DUOX1: variants seen among roughly 807,000 people sequenced by gnomAD.
DUOX1 encodes NADPH thyroid oxidase 1.
In DUOX1, 134 loss-of-function variants were observed where a neutral mutation model predicts 181.8. That is an observed-to-expected ratio of 0.74 (90% CI 0.64 to 0.85). The LOEUF (loss-of-function observed/expected upper bound fraction) is 0.85, where lower values mean the gene tolerates loss of function less well. DUOX1 is among the 40% of genes least tolerant of loss of function. The probability of loss-of-function intolerance (pLI) is 0.00; values close to 1 mark genes in which losing one functional copy is unlikely to be tolerated. For synonymous variants in DUOX1, 798 were observed against 832.5 expected (o/e 0.96, Z 0.71); for missense variants, 1,814 against 2,064.4 (o/e 0.88, Z 2.35).
At position 45,135,614 on chromosome 15, in the gene DUOX1, C is replaced by G; in HGVS notation, c.636C>G (p.Pro212=). The change falls in exon 6 of 34, where the codon CCC becomes CCG. Residue 212 remains proline (P), a synonymous_variant. Coordinates refer to ENST00000389037, the MANE Select transcript of DUOX1 (RefSeq NM_175940.3). ...CTTTTCCCCGAGACTCGCAGAACCC[C>G]CTGCTCATGTGGGCGGCGCCCGACC... The part of the protein sequence containing the change: ...DPAFPRDSQN[P]LLMWAAPDPA... 6.4e-7 allele frequency: 1 copy of G among 1,560,438 alleles called. No homozygotes were observed. The highest frequency in any genetic ancestry group is 8.7e-7 in the Non-Finnish European group (1 of 1,153,540).
In DUOX1 at chr15:45,147,939, A is replaced by AT. The variant is rs1201039514; in HGVS notation, c.2585dup (p.Met862IlefsTer5). 9.9e-6 allele frequency: 16 copies of AT among 1,614,062 alleles called. No homozygotes were observed. Among genetic ancestry groups the AT allele is most frequent in the Non-Finnish European group, 1.2e-5 (14 of 1,180,028 alleles). On this transcript the variant is annotated frameshift_variant, in exon 20 of 34. Coordinates refer to ENST00000389037, the MANE Select transcript of DUOX1 (RefSeq NM_175940.3). LOFTEE classifies it high-confidence loss of function. ...GGAAAAGTCTCGCCTTATGTTCCGC[A>AT]TGTACGACTTTGATGGGAATGGCCT...
At chr15:45,153,292 T>C in intron 25 of DUOX1, 88 bp from the exon 26 acceptor site, 1 of 860,400 alleles carries the variant, frequency 1.2e-6, no homozygotes. Context: ...GGACCCCCAC[T>C]CTGGCCAGGG....
intron 31 of DUOX1, among the ~76,000 whole-genome samples, 199 bp downstream of exon 31, chr15:45,162,576 G>A (rs1897137280): frequency 6.6e-6 from 1 of 152,212 alleles, no homozygotes; most frequent in African/African-American, 2.4e-5. Flanking sequence ...CTGGTTTGCG[G>A]ATGCCTCCAG....
intron 10 of DUOX1, chr15:45,138,700 A>ACTCTGGCTTGCCCTG (rs1896404088): frequency 1.0e-5 from 2 of 195,308 alleles, no homozygotes; most frequent in Non-Finnish European, 2.1e-5. Context: ...TTATTAAGGG[A>ACTCTGGCTTGCCCTG]AGGAAACTGA....
intron 2 of DUOX1, among the ~76,000 whole-genome samples, chr15:45,133,323 G>A (rs1896201153): frequency 6.6e-6 from 1 of 152,188 alleles, no homozygotes; most frequent in Non-Finnish European, 1.5e-5. Context: ...GAAAAAAGCA[G>A]TAGCAACACC....
In DUOX1 at chr15:45,152,374, T is replaced by G. The variant is rs114272662; in HGVS notation, c.3282T>G (p.Ser1094=). ...ILSRGTAASI[S]FMFSYILLTM... is the part of the protein sequence containing the mutation. Reference sequence around the variant, plus strand: ...CGCGGGGCACAGCAGCCAGCATCTCTTTCATGTTCTCCTACATCTTGCTCA... The same window carrying G: ...CGCGGGGCACAGCAGCCAGCATCTCGTTCATGTTCTCCTACATCTTGCTCA... The change falls in exon 25 of 34, where the codon TCT becomes TCG. Residue 1094 remains serine (S), a synonymous_variant. Transcript: ENST00000389037. 1.9e-6 allele frequency: 3 copies of G among 1,614,064 alleles called. No homozygotes were observed. Among genetic ancestry groups the G allele is most frequent in the Non-Finnish European group, 2.5e-6 (3 of 1,180,026 alleles).
chr15:45,162,902 C>A (rs1327548538), intron 31 of DUOX1, among the ~76,000 whole-genome samples: 2 of 152,240 alleles, frequency 1.3e-5, no homozygotes, highest in Admixed American at 1.3e-4. Flanking sequence ...CAGCCTGGAC[C>A]TGGTGGCAGG....
rs374183298 is a variant in DUOX1 at position 45,141,324 on chromosome 15, G to T, written c.1598G>T (p.Arg533Leu). 6.2e-7 allele frequency: 1 copy of T among 1,614,182 alleles called. No individual in the cohort carries two copies. Among genetic ancestry groups the T allele is most frequent in the African/African-American group, 1.3e-5 (1 of 75,038 alleles). ...TCCAAGAAGGAGATTGAAGAAATCCGAAATACCACCCTGCAGGACGTGCTG... is the reference window on the plus strand; with the variant it reads ...TCCAAGAAGGAGATTGAAGAAATCCTAAATACCACCCTGCAGGACGTGCTG... ...LFSKKEIEEI[R>L]NTTLQDVLVA... The change falls in exon 14 of 34, where the codon CGA becomes CTA. Residue 533 changes from arginine to leucine, a missense_variant. By Grantham distance (102) the Arg-to-Leu change is moderately radical. Coordinates refer to ENST00000389037, the MANE Select transcript of DUOX1 (RefSeq NM_175940.3).
intron 2 of DUOX1, 36 bp from the exon 3 acceptor site, chr15:45,133,828 C>T: frequency 6.3e-7 from 1 of 1,597,354 alleles, no homozygotes; most frequent in Non-Finnish European, 8.6e-7. Context: ...CACGCACTGA[C>T]TTGCCCAGCT....
intron 10 of DUOX1, 56 bp downstream of exon 10, chr15:45,138,070 GTGTGTGTA>G (rs1896378377): frequency 5.2e-5 from 61 of 1,164,754 alleles, no homozygotes; most frequent in Middle Eastern, 2.3e-4. Flanking sequence ...GCTTATGTGT[GTGTGTGTA>G]TGTGTGTGTG....
Position 45,139,109 on chromosome 15 carries a change from T to A in DUOX1, c.1157T>A (p.Leu386Gln). 6.2e-7 allele frequency: 1 copy of A among 1,614,130 alleles called. No homozygotes were observed. The highest frequency in any genetic ancestry group is 8.5e-7 in the Non-Finnish European group (1 of 1,180,014). ...QSAEDVDALL[L>Q]GMASQIAERE... ...GCTGAAGATGTGGATGCACTGCTGC[T>A]GGGCATGGCCTCCCAGATCGCAGAG... The change falls in exon 11 of 34, where the codon CTG (leucine) becomes CAG (glutamine). Residue 386 changes from leucine (L) to glutamine (Q), a missense_variant. Coordinates refer to ENST00000389037, the MANE Select transcript of DUOX1 (RefSeq NM_175940.3).
intron 26 of DUOX1, 117 bp from the exon 27 acceptor site, chr15:45,153,834 C>A (rs1896894793): frequency 1.1e-6 from 1 of 947,454 alleles, no homozygotes; most frequent in African/African-American, 1.6e-5. Flanking sequence ...TTGCAGTGAG[C>A]CAAGATCATG....
At chr15:45,145,784 G>A (rs71480288) in intron 18 of DUOX1, among the ~76,000 whole-genome samples, 3,948 of 152,028 alleles carry the variant, frequency 0.026, 67 homozygotes, top group Non-Finnish European at 0.042. Context: ...GTGTGGTGGC[G>A]GGTGCCTGTA....
chr15:45,145,376 C>A (rs539700905), intron 18 of DUOX1, among the ~76,000 whole-genome samples: 1 of 152,316 alleles, frequency 6.6e-6, no homozygotes, highest in South Asian at 2.1e-4. Context: ...CTCATCTCAG[C>A]CTGCCTCAAA....
At chr15:45,144,787 T>G in intron 17 of DUOX1, 108 bp from the exon 18 acceptor site, 1 of 1,132,242 alleles carries the variant, frequency 8.8e-7, no homozygotes, top group Non-Finnish European at 1.3e-6. Context: ...AGAAATAATA[T>G]CCCTTTTTCA....
chr15:45,153,872 G>C (rs1896895969), intron 26 of DUOX1, 79 bp from the exon 27 acceptor site: 1 of 1,301,992 alleles, frequency 7.7e-7, no homozygotes, highest in African/African-American at 1.6e-5. Flanking sequence ...GGGTGACAGA[G>C]CAAGACTCTG....
In DUOX1 at chr15:45,133,848, C is replaced by G. The variant is rs1238960076; in HGVS notation, c.59-16C>G. On this transcript the variant is annotated splice_polypyrimidine_tract_variant and intron_variant, in intron 2 of 33. Transcript: ENST00000389037. The stretch of plus-strand genomic sequence containing the variant: ...ACTGACTTGCCCAGCTGCCCCTTCC[C>G]TCCATTCTCACACAGGAGCTCAGAA... 1.9e-6 allele frequency: 3 copies of G among 1,612,158 alleles called. No individual in the cohort carries two copies. Among genetic ancestry groups the G allele is most frequent in the Non-Finnish European group, 2.5e-6 (3 of 1,179,058 alleles).
rs375792553 is a variant in DUOX1, at chr15:45,161,772, C to T, written c.3891C>T (p.Gly1297=). ...ACCTGCGGTTCCAGCGGCCCCAGGG[C>T]TTTGAGTACAAGTCAGGGCAGTGGG... ...VTHLRFQRPQ[G]FEYKSGQWVR... Residue 1297 remains glycine, a synonymous_variant, in exon 30 of 34, where the codon GGC becomes GGT. Coordinates refer to ENST00000389037, the MANE Select transcript of DUOX1 (RefSeq NM_175940.3). The T allele has an allele frequency of 4.0e-5, 64 of 1,613,938 alleles. No homozygotes were observed. The African/African-American group carries it at 8.3e-4, about 21-fold the overall frequency.
At chr15:45,142,149 G>A in intron 15 of DUOX1, 37 bp downstream of exon 15, 1 of 1,598,908 alleles carries the variant, frequency 6.3e-7, no homozygotes, top group Non-Finnish European at 8.5e-7. Flanking sequence ...GGTGAGAGAT[G>A]CAAGCTAGGG....
Sources: gnomAD v4.1 joint callset for allele counts (sites outside exome capture counted in the v4.1 genomes callset) on GRCh38, gnomAD v4.1.1 for gene constraint, MANE v1.5 for transcripts, NCBI Gene and HGNC (gene_info 2026-07-23, HGNC 2026-07-21) for gene names.